SPATA13: variants seen among roughly 807,000 people sequenced by gnomAD.
The protein encoded by SPATA13 is spermatogenesis associated 13.
A neutral mutation model predicts 104.0 loss-of-function variants in SPATA13; 50 were observed. The ratio of observed to expected loss-of-function variants is 0.48; its 90% CI spans 0.38 to 0.61. SPATA13 has a LOEUF of 0.61. Ranked by LOEUF, SPATA13 falls within the 20% of genes least tolerant of loss-of-function variation. The pLI, the probability that SPATA13 is intolerant of heterozygous loss-of-function variation, is 0.00. For synonymous variants in SPATA13, 606 were observed against 667.5 expected, an observed-to-expected ratio of 0.91 and a Z score of 1.42; for missense variants, 1,524 against 1,690.6, an observed-to-expected ratio of 0.90 and a Z score of 1.73.
intron 1 of SPATA13, among the ~76,000 whole-genome samples, chr13:24,216,568 T>C (rs1016035342): frequency 6.6e-6 from 1 of 152,246 alleles, no homozygotes; most frequent in African/African-American, 2.4e-5. Flanking sequence ...AGATGCTCTT[T>C]TGAAGCATCT....
intron 3 of SPATA13, among the ~76,000 whole-genome samples, chr13:24,030,519 A>C (rs1349391734): frequency 6.6e-6 from 1 of 151,800 alleles, no homozygotes; most frequent in Non-Finnish European, 1.5e-5. Context: ...CTTTTCCCTA[A>C]TCTCCTGCCC....
intron 2 of SPATA13, among the ~76,000 whole-genome samples, chr13:24,010,562 CG>C (rs754833509): frequency 1.3e-5 from 2 of 150,220 alleles, no homozygotes; most frequent in Non-Finnish European, 3.0e-5. Flanking sequence ...TTAGTGATTT[CG>C]GGGTCCCAAG....
At chr13:24,050,012 A>G (rs1878285923) in intron 3 of SPATA13, among the ~76,000 whole-genome samples, 1 of 152,128 alleles carries the variant, frequency 6.6e-6, no homozygotes, top group South Asian at 2.1e-4. Context: ...AGCTGGGATT[A>G]CAGGTGCCCA....
chr13:24,145,017 G>A (rs563849402), intron 3 of SPATA13, among the ~76,000 whole-genome samples: 1 of 152,306 alleles, frequency 6.6e-6, no homozygotes, highest in East Asian at 1.9e-4. Context: ...GTGGGAGGCA[G>A]GTAGAGGAAA....
chr13:24,306,975 GT>G lies in SPATA13; in HGVS notation c.*4203del, dbSNP rs1877617311. The G allele has an allele frequency of 3.3e-5, 5 of 151,912 alleles. No homozygotes were observed. Among genetic ancestry groups the G allele is most frequent in the Admixed American group, 1.3e-4 (2 of 15,268 alleles). The allele number at this position is 151,912 out of a possible 1,614,324, so 9.4% of individuals were successfully genotyped here. On this transcript the variant is annotated 3_prime_UTR_variant, in exon 13 of 13. Coordinates refer to ENST00000382108, the MANE Select transcript of SPATA13 (RefSeq NM_001166271.3). Reference sequence around the variant, plus strand: ...ATATGTATTTTTGTTGAAGTTTTTTGTAAAAAAAAATTATTTACAATGTTAT... The same window carrying G: ...ATATGTATTTTTGTTGAAGTTTTTTGAAAAAAAAATTATTTACAATGTTAT...
At chr13:24,264,994 C>T (rs1874228845) in intron 4 of SPATA13, among the ~76,000 whole-genome samples, 2 of 152,174 alleles carry the variant, frequency 1.3e-5, no homozygotes, top group African/African-American at 4.8e-5. Context: ...AGCACATATT[C>T]GCTGGTTTTG....
chr13:24,264,660 C>A (rs1210468404), intron 4 of SPATA13, among the ~76,000 whole-genome samples: 3 of 152,186 alleles, frequency 2.0e-5, no homozygotes, highest in Admixed American at 2.0e-4. Context: ...AAGTTATATT[C>A]CTCCAATCCC....
At chr13:24,269,047 G>A (rs1051945402) in intron 4 of SPATA13, among the ~76,000 whole-genome samples, 1 of 152,166 alleles carries the variant, frequency 6.6e-6, no homozygotes, top group Non-Finnish European at 1.5e-5. Context: ...CTGGGAACTA[G>A]CATGTTATTA....
chr13:24,061,472 G>T (rs1448574933), intron 3 of SPATA13, among the ~76,000 whole-genome samples: 1 of 152,040 alleles, frequency 6.6e-6, no homozygotes, highest in Admixed American at 6.6e-5. Flanking sequence ...CAATCTAAAT[G>T]CCCATCCATG....
intron 2 of SPATA13, among the ~76,000 whole-genome samples, chr13:24,016,756 C>T (rs771599705): frequency 9.9e-5 from 15 of 152,238 alleles, no homozygotes; most frequent in East Asian, 1.9e-4. Flanking sequence ...CACTCTGGGA[C>T]GTGCATTGTG....
At chr13:24,108,571 G>A (rs975461479) in intron 3 of SPATA13, among the ~76,000 whole-genome samples, 1 of 152,146 alleles carries the variant, frequency 6.6e-6, no homozygotes, top group Non-Finnish European at 1.5e-5. Flanking sequence ...CTTGCAGCCA[G>A]GATTCTCCTG....
intron 3 of SPATA13, among the ~76,000 whole-genome samples, chr13:24,044,470 A>T (rs1272937738): frequency 6.6e-6 from 1 of 151,932 alleles, no homozygotes; most frequent in East Asian, 1.9e-4. Flanking sequence ...TGACCTCATG[A>T]TCCGCCCACC....
At chr13:24,221,382 T>G (rs1871578206) in intron 1 of SPATA13, among the ~76,000 whole-genome samples, 1 of 152,216 alleles carries the variant, frequency 6.6e-6, no homozygotes, top group Non-Finnish European at 1.5e-5. Flanking sequence ...AATCTATCAT[T>G]CATTCATCCA....
At position 24,292,329 on chromosome 13, in the gene SPATA13, G is replaced by A. The variant is rs60512918; in HGVS notation, c.3080+1445G>A. Reference sequence around the variant, plus strand: ...TGGGTACCTCAAGGTAGCAGTGCTTGGCTAATTCTGAGTTCTCACCTGGCC... The same window carrying A: ...TGGGTACCTCAAGGTAGCAGTGCTTAGCTAATTCTGAGTTCTCACCTGGCC... On this transcript the variant is annotated intron_variant, in intron 9 of 12. Coordinates refer to ENST00000382108, the MANE Select transcript of SPATA13 (RefSeq NM_001166271.3). 4.9e-3 allele frequency among the ~76,000 whole-genome samples: 748 copies of A among 152,320 alleles called. 7 individuals carry two copies. Among genetic ancestry groups the A allele is most frequent in the African/African-American group, 0.017 (719 of 41,574 alleles).
chr13:24,162,102 C>T (rs931293741), intron 1 of SPATA13, among the ~76,000 whole-genome samples: 10 of 152,214 alleles, frequency 6.6e-5, no homozygotes, highest in Non-Finnish European at 1.0e-4. Flanking sequence ...CTGCCCTCCT[C>T]CCGCACTTTA....
In SPATA13 at chr13:24,195,828, A is replaced by C. The variant is rs76243153; in HGVS notation, c.-111-26991A>C. Among the ~76,000 whole-genome samples the C allele has an allele frequency of 7.6e-3, 1,158 of 152,290 alleles. 23 individuals are homozygous for C. The highest frequency in any genetic ancestry group is 0.026 in the African/African-American group (1,100 of 41,560). On this transcript the variant is annotated intron_variant, in intron 1 of 12. Coordinates refer to ENST00000382108, the MANE Select transcript of SPATA13 (RefSeq NM_001166271.3). ...TATAGCTAAATATTAACACCTGTTA[A>C]CAAGTTGACTAGAAAGGTTTAAGGG...
intron 4 of SPATA13, among the ~76,000 whole-genome samples, chr13:24,274,802 A>C (rs1164804773): frequency 1.3e-5 from 2 of 152,194 alleles, no homozygotes; most frequent in East Asian, 3.8e-4. Context: ...AGGGAGGGGA[A>C]ATTCCCCACC....
intron 5 of SPATA13, among the ~76,000 whole-genome samples, chr13:24,285,528 TC>T (rs1875870792): frequency 7.1e-6 from 1 of 140,752 alleles, no homozygotes. Context: ...CCTCCCTCCC[TC>T]CCTTTTTTCT....
intron 4 of SPATA13, among the ~76,000 whole-genome samples, chr13:24,260,283 A>G (rs114336008): frequency 0.015 from 2,244 of 152,340 alleles, 51 homozygotes; most frequent in African/African-American, 0.051. Context: ...AGTGGAGGCC[A>G]GAGAAAGGAG....
Sources: gnomAD v4.1 joint callset for allele counts (sites outside exome capture counted in the v4.1 genomes callset) on GRCh38, gnomAD v4.1.1 for gene constraint, MANE v1.5 for transcripts, NCBI Gene and HGNC (gene_info 2026-07-23, HGNC 2026-07-21) for gene names.